PCNT: variants seen among roughly 807,000 people sequenced by gnomAD.
The protein encoded by PCNT is pericentrin.
In PCNT, 319 loss-of-function variants were observed where a neutral mutation model predicts 380.4. That is an observed-to-expected ratio of 0.84 (90% CI 0.77 to 0.92). The LOEUF (loss-of-function observed/expected upper bound fraction) is 0.92. PCNT is among the 40% of genes least tolerant of loss of function. The probability of loss-of-function intolerance (pLI) is 0.00; values close to 1 mark genes in which losing one functional copy is unlikely to be tolerated. For synonymous variants in PCNT, 1,845 were observed against 1,735.2 expected (o/e 1.06, Z -1.57); for missense variants, 4,400 against 4,255.3 (o/e 1.03, Z -0.95).
intron 13 of PCNT, among the ~76,000 whole-genome samples, chr21:46,358,663 C>T (rs1455507744): frequency 4.7e-5 from 7 of 147,530 alleles, no homozygotes; most frequent in Admixed American, 1.4e-4. Context: ...CTTGCTCTGT[C>T]GCCCAGGCTG....
At chr21:46,371,217 T>TCC in intron 15 of PCNT, among the ~76,000 whole-genome samples, 1 of 141,668 alleles carries the variant, frequency 7.1e-6, no homozygotes, top group Non-Finnish European at 1.5e-5. Flanking sequence ...TTTCTTTCTT[T>TCC]TTTTTTTTTT....
chr21:46,430,300 TGAAG>T (rs1322333430), intron 36 of PCNT, 68 bp downstream of exon 36: 1 of 1,494,010 alleles, frequency 6.7e-7, no homozygotes, highest in Non-Finnish European at 9.2e-7. Flanking sequence ...TTCTTGGTGA[TGAAG>T]GGAGACAGAA....
At chr21:46,324,654 G>A (rs944611930) in intron 1 of PCNT, among the ~76,000 whole-genome samples, 7 of 151,722 alleles carry the variant, frequency 4.6e-5, no homozygotes, top group Non-Finnish European at 8.8e-5. Flanking sequence ...TGGCTGCACG[G>A]AGGGGGTGGG....
chr21:46,406,564 A>T (rs11909799), intron 27 of PCNT, among the ~76,000 whole-genome samples: 18,692 of 152,172 alleles, frequency 0.12, 3,163 homozygotes, highest in African/African-American at 0.39. Context: ...TCAGATAAAG[A>T]CAGTTTTATT....
intron 2 of PCNT, among the ~76,000 whole-genome samples, chr21:46,328,400 T>C (rs2083454384): frequency 6.6e-6 from 1 of 152,086 alleles, no homozygotes; most frequent in Non-Finnish European, 1.5e-5. Context: ...AGTGCCAGGA[T>C]TACAGGATTT....
In PCNT at chr21:46,363,701, A is replaced by C. The variant is rs759858754; in HGVS notation, c.2376A>C (p.Arg792=). 50 of 1,614,100 alleles carry C rather than the reference A, an allele frequency of 3.1e-5. No homozygotes were observed. In the East Asian group the frequency reaches 1.1e-3, roughly 35 times the overall value. The change falls in exon 14 of 47, where the codon CGA becomes CGC. Residue 792 remains arginine (R), a synonymous_variant. Transcript: ENST00000359568. ...CCATCATAAACAAGTTTGAGCTTCG[A>C]GAAGCTGAAATGAGGCAGCTTCAGG... is the stretch of plus-strand genomic sequence containing the variant. The part of the protein sequence containing the change: ...KQTIINKFEL[R]EAEMRQLQDQ...
In PCNT at chr21:46,365,437, G is replaced by T. The variant is rs530336535; in HGVS notation, c.2610-1147G>T. 4.3e-5 allele frequency among the ~76,000 whole-genome samples: 6 copies of T among 138,136 alleles called. 1 individual carries two copies. Among genetic ancestry groups the T allele is most frequent in the Non-Finnish European group, 7.8e-5 (5 of 64,476 alleles). 90.6% of individuals were successfully genotyped at this position (138,136 alleles called of 152,430 possible). A position where few individuals can be genotyped will look rare whatever the true frequency, so the allele number is the denominator to read the frequency against. On this transcript the variant is annotated intron_variant, in intron 14 of 46. Coordinates refer to ENST00000359568, the MANE Select transcript of PCNT (RefSeq NM_006031.6). The stretch of plus-strand genomic sequence containing the variant: ...CTGCCGTGGGGTTCTATTCACTGCC[G>T]TGGGGTTCTGTTCACTGCCGTGGGG...
At chr21:46,389,548 A>G (rs538456750) in intron 19 of PCNT, 117 bp downstream of exon 19, 3 of 754,934 alleles carry the variant, frequency 4.0e-6, no homozygotes, top group East Asian at 5.4e-5. Context: ...CTCCCCAAGG[A>G]GGAGGCTTTT....
intron 38 of PCNT, among the ~76,000 whole-genome samples, chr21:46,433,276 G>A (rs75883755): frequency 1.3e-5 from 2 of 152,334 alleles, no homozygotes; most frequent in East Asian, 3.9e-4. Flanking sequence ...CCAGCTATTC[G>A]GGAGGCTGGG....
intron 29 of PCNT, among the ~76,000 whole-genome samples, chr21:46,414,764 C>CCCT (rs4050291): frequency 3.4e-4 from 27 of 80,096 alleles, no homozygotes; most frequent in African/African-American, 8.6e-4. Flanking sequence ...CAGCCGCCCA[C>CCCT]CCTCCTCCTG....
At chr21:46,341,647 A>T (rs560520831) in intron 3 of PCNT, among the ~76,000 whole-genome samples, 2 of 151,548 alleles carry the variant, frequency 1.3e-5, no homozygotes, top group East Asian at 3.9e-4. Context: ...GATTATAGGT[A>T]TGAGCCTCCA....
chr21:46,361,329 T>C lies in PCNT; in HGVS notation c.2155-2151T>C, dbSNP rs571964310. Among the ~76,000 whole-genome samples, 18 of 152,330 alleles carry C rather than the reference T, an allele frequency of 1.2e-4. No individual in the cohort carries two copies. The South Asian group carries it at 2.5e-3, about 21-fold the overall frequency. On this transcript the variant is annotated intron_variant, in intron 13 of 46. Coordinates refer to ENST00000359568, the MANE Select transcript of PCNT (RefSeq NM_006031.6). ...TCGCTTGAAACCAGGAAGCAGAGGTTGCAGTGAGCCACAATCACGCCACTG... is the reference window on the plus strand; with the variant it reads ...TCGCTTGAAACCAGGAAGCAGAGGTCGCAGTGAGCCACAATCACGCCACTG...
chr21:46,413,561 T>C (rs984795187), intron 29 of PCNT, among the ~76,000 whole-genome samples: 3 of 152,268 alleles, frequency 2.0e-5, no homozygotes, highest in Non-Finnish European at 4.4e-5. Flanking sequence ...AGCCACTCTG[T>C]AGAAACAATC....
chr21:46,389,162 ACT>A, intron 18 of PCNT, 35 bp from the exon 19 acceptor site: 1 of 1,591,338 alleles, frequency 6.3e-7, no homozygotes, highest in Non-Finnish European at 8.6e-7. Context: ...CGGCTTGCTC[ACT>A]GAGCCGCGTG....
intron 3 of PCNT, among the ~76,000 whole-genome samples, chr21:46,338,019 A>G (rs949429687): frequency 3.9e-5 from 6 of 152,052 alleles, no homozygotes; most frequent in African/African-American, 1.4e-4. Flanking sequence ...GATTACAGGC[A>G]CGTTCCACCA....
chr21:46,413,115 G>A (rs572153700), intron 29 of PCNT, 123 bp downstream of exon 29: 2 of 525,150 alleles, frequency 3.8e-6, no homozygotes, highest in Non-Finnish European at 6.9e-6. Flanking sequence ...GCAGCAAGGT[G>A]TGGGGAGCGG....
chr21:46,334,826 T>C (rs546980288), intron 3 of PCNT, 58 bp downstream of exon 3: 8 of 1,612,814 alleles, frequency 5.0e-6, no homozygotes, highest in African/African-American at 1.3e-5. Flanking sequence ...CTTTATGTTG[T>C]AGAAATCCAA....
At chr21:46,341,156 T>A (rs1305629733) in intron 3 of PCNT, among the ~76,000 whole-genome samples, 1 of 152,220 alleles carries the variant, frequency 6.6e-6, no homozygotes, top group African/African-American at 2.4e-5. Context: ...GTGAGGGGGT[T>A]ACAGGCATGA....
rs971353827 is a variant in PCNT at position 46,389,086 on chromosome 21, A to G, written c.3608-113A>G. 5.4e-6 allele frequency: 7 copies of G among 1,303,234 alleles called. No individual in the cohort carries two copies. In the African/African-American group the frequency reaches 8.8e-5, roughly 16 times the overall value. 80.7% of individuals were successfully genotyped at this position (1,303,234 alleles called of 1,614,324 possible). A position where few individuals can be genotyped will look rare whatever the true frequency, so the allele number is the denominator to read the frequency against. The stretch of plus-strand genomic sequence containing the variant: ...GCTCCCGTGGACGTGGCGCTGACTC[A>G]TCTCGGCTGGGGCGACGTTCTGAGT... On this transcript the variant is annotated intron_variant, in intron 18 of 46. Coordinates refer to ENST00000359568, the MANE Select transcript of PCNT (RefSeq NM_006031.6).
Sources: allele counts gnomAD v4.1 joint callset (sites outside exome capture counted in the v4.1 genomes callset), GRCh38; gene constraint gnomAD v4.1.1; transcripts MANE v1.5; gene names NCBI Gene and HGNC (gene_info 2026-07-23, HGNC 2026-07-21).